Variants in CDH13 observed in about 807,000 individuals in gnomAD.
CDH13 encodes cadherin 13.
In CDH13, 24 loss-of-function variants were observed where a neutral mutation model predicts 63.8. The ratio of observed to expected loss-of-function variants is 0.38; its 90% CI spans 0.27 to 0.53. CDH13 has a LOEUF of 0.53. Ranked by LOEUF, CDH13 falls within the 20% of genes least tolerant of loss-of-function variation. CDH13 has a pLI of 0.85. For missense variants in CDH13, 1,049 were observed against 903.1 expected, an observed-to-expected ratio of 1.16 and a Z score of -2.07; for synonymous variants, 503 against 355.3, an observed-to-expected ratio of 1.42 and a Z score of -4.67.
rs142462871 is a variant in CDH13, at chr16:83,544,880, T to G, written c.961-57574T>G. Among the ~76,000 whole-genome samples the G allele has an allele frequency of 1.5e-3, 228 of 152,336 alleles. 5 individuals carry two copies. In the East Asian group the frequency reaches 0.042, roughly 28 times the overall value. On this transcript the variant is annotated intron_variant, in intron 7 of 13. Coordinates refer to ENST00000567109, the MANE Select transcript of CDH13 (RefSeq NM_001257.5). ...CATCTAACAATGTCTGGCCACAGTA[T>G]AAGCTCAATAAATGTTAGTTCTTCT...
chr16:83,002,161 T>C (rs1175911155), intron 2 of CDH13, among the ~76,000 whole-genome samples: 2 of 152,164 alleles, frequency 1.3e-5, no homozygotes, highest in Admixed American at 6.5e-5. Flanking sequence ...GTGACCTTCT[T>C]TGGAAAAAGG....
chr16:83,379,928 T>TAGAGAG (rs1311654481), intron 6 of CDH13, among the ~76,000 whole-genome samples: 2 of 87,122 alleles, frequency 2.3e-5, no homozygotes, highest in African/African-American at 3.9e-5. Context: ...TGTATATATA[T>TAGAGAG]ATATATATAT....
intron 6 of CDH13, among the ~76,000 whole-genome samples, chr16:83,354,770 G>A (rs974208979): frequency 6.6e-6 from 1 of 152,178 alleles, no homozygotes; most frequent in African/African-American, 2.4e-5. Flanking sequence ...GATGGGCAAG[G>A]GCAAGGGCAA....
chr16:82,738,687 C>G (rs1406450995), intron 1 of CDH13, among the ~76,000 whole-genome samples: 1 of 152,222 alleles, frequency 6.6e-6, no homozygotes, highest in Non-Finnish European at 1.5e-5. Context: ...AGAATTCTCT[C>G]TTTCTCCTTA....
chr16:83,515,495 A>C (rs1316278955), intron 7 of CDH13, among the ~76,000 whole-genome samples: 1 of 152,238 alleles, frequency 6.6e-6, no homozygotes, highest in Admixed American at 6.5e-5. Flanking sequence ...ATCAGGAGAG[A>C]AACTTTATAT....
At position 82,757,745 on chromosome 16, in the gene CDH13, G is replaced by T. The variant is rs78546506; in HGVS notation, c.46-100617G>T. On this transcript the variant is annotated intron_variant, in intron 1 of 13. Coordinates refer to ENST00000567109, the MANE Select transcript of CDH13 (RefSeq NM_001257.5). Reference sequence around the variant, plus strand: ...TGCAACCTCTGCAGCGGATTCAAGCGATTATCCTGGCTCAGCTTTCGGAGT... The same window carrying T: ...TGCAACCTCTGCAGCGGATTCAAGCTATTATCCTGGCTCAGCTTTCGGAGT... Among the ~76,000 whole-genome samples the T allele has an allele frequency of 2.3e-3, 352 of 151,658 alleles. 1 individual carries two copies. The highest frequency in any genetic ancestry group is 8.1e-3 in the African/African-American group (335 of 41,328).
At position 83,800,022 on chromosome 16, in the gene CDH13, CCTCT is replaced by C. The variant is rs1436826810; in HGVS notation, c.*4998_*5001del. On this transcript the variant is annotated 3_prime_UTR_variant, in exon 14 of 14. Coordinates refer to ENST00000567109, the MANE Select transcript of CDH13 (RefSeq NM_001257.5). Reference sequence around the variant, plus strand: ...TCAAATTAAGTAAGCGGAAAAATTTCCTCTCTCTCATACTATGTTGCTATCATCA... The same window carrying C: ...TCAAATTAAGTAAGCGGAAAAATTTCCTCTCATACTATGTTGCTATCATCA... The C allele has an allele frequency of 6.6e-6, 1 of 152,170 alleles. No individual in the cohort carries two copies. Among genetic ancestry groups the C allele is most frequent in the Non-Finnish European group, 1.5e-5 (1 of 68,030 alleles). 9.4% of individuals were successfully genotyped at this position (152,170 alleles called of 1,614,324 possible).
At chr16:82,743,542 A>T (rs538152989) in intron 1 of CDH13, among the ~76,000 whole-genome samples, 2 of 152,328 alleles carry the variant, frequency 1.3e-5, no homozygotes, top group East Asian at 1.9e-4. Flanking sequence ...TTGAAGGCAT[A>T]ATTTGAAATC....
chr16:82,638,720 C>T (rs1908996701), intron 1 of CDH13, among the ~76,000 whole-genome samples: 1 of 148,118 alleles, frequency 6.8e-6, no homozygotes, highest in African/African-American at 2.5e-5. Context: ...GATTGTTCCC[C>T]TCGGGATTCA....
rs1487265635 is a variant in CDH13 at position 82,627,044 on chromosome 16, A to G, written c.-49A>G. On this transcript the variant is annotated 5_prime_UTR_variant, in exon 1 of 14. Coordinates refer to ENST00000567109, the MANE Select transcript of CDH13 (RefSeq NM_001257.5). ...CTCCCACGGAAAATATGCTCAGTGCAGCCGCGTGCATGAATGAAAACGCCG... is the reference window on the plus strand; with the variant it reads ...CTCCCACGGAAAATATGCTCAGTGCGGCCGCGTGCATGAATGAAAACGCCG... The G allele has an allele frequency of 1.9e-6, 3 of 1,567,162 alleles. No individual in the cohort carries two copies. Among genetic ancestry groups the G allele is most frequent in the African/African-American group, 1.4e-5 (1 of 73,814 alleles).
At chr16:83,311,391 A>G (rs757542493) in intron 5 of CDH13, among the ~76,000 whole-genome samples, 1 of 152,246 alleles carries the variant, frequency 6.6e-6, no homozygotes, top group Non-Finnish European at 1.5e-5. Flanking sequence ...CCAGCTACAC[A>G]TATGTAATGT....
At chr16:83,148,521 A>G (rs2036846143) in intron 4 of CDH13, among the ~76,000 whole-genome samples, 1 of 152,208 alleles carries the variant, frequency 6.6e-6, no homozygotes, top group South Asian at 2.1e-4. Context: ...AATGTACGTA[A>G]TGCCTCTGTG....
intron 6 of CDH13, among the ~76,000 whole-genome samples, chr16:83,418,527 G>A (rs2071619172): frequency 6.6e-6 from 1 of 152,172 alleles, no homozygotes; most frequent in Non-Finnish European, 1.5e-5. Flanking sequence ...AATATAGTGA[G>A]GGTATGAGGC....
intron 2 of CDH13, among the ~76,000 whole-genome samples, chr16:82,913,460 A>T (rs1020413166): frequency 6.6e-6 from 1 of 152,030 alleles, no homozygotes; most frequent in Non-Finnish European, 1.5e-5. Flanking sequence ...CCTGGACTGT[A>T]ATTAAAGGGA....
chr16:83,274,739 A>G (rs1044274730), intron 5 of CDH13, among the ~76,000 whole-genome samples: 8 of 152,160 alleles, frequency 5.3e-5, no homozygotes, highest in African/African-American at 1.9e-4. Flanking sequence ...GGGGGTGTTT[A>G]TTAAATATGC....
chr16:83,323,264 T>C (rs1376777974), intron 5 of CDH13, among the ~76,000 whole-genome samples: 1 of 103,166 alleles, frequency 9.7e-6, no homozygotes, highest in Non-Finnish European at 2.0e-5. Context: ...CTTTCCATCT[T>C]TCTTGTTTTC....
chr16:82,784,927 G>T (rs568535469), intron 1 of CDH13, among the ~76,000 whole-genome samples: 18 of 152,298 alleles, frequency 1.2e-4, no homozygotes, highest in African/African-American at 4.1e-4. Flanking sequence ...GCCAGAGAGC[G>T]CCTTGAAATG....
At chr16:82,655,784 T>C (rs1406033556) in intron 1 of CDH13, among the ~76,000 whole-genome samples, 1 of 152,210 alleles carries the variant, frequency 6.6e-6, no homozygotes, top group African/African-American at 2.4e-5. Context: ...GCCCTTATTA[T>C]CATTCTTTCC....
intron 5 of CDH13, among the ~76,000 whole-genome samples, chr16:83,324,292 T>A (rs112059146): frequency 0.017 from 2,536 of 152,146 alleles, 68 homozygotes; most frequent in African/African-American, 0.054. Flanking sequence ...GCCTCGGCCT[T>A]GCAAAGTGCT....
Sources: allele counts gnomAD v4.1 joint callset (sites outside exome capture counted in the v4.1 genomes callset), GRCh38; gene constraint gnomAD v4.1.1; transcripts MANE v1.5; gene names NCBI Gene and HGNC (gene_info 2026-07-23, HGNC 2026-07-21).